CACNB2: variants seen among roughly 807,000 people sequenced by gnomAD.
CACNB2 encodes the protein voltage-dependent L-type calcium channel subunit beta-2.
A neutral mutation model predicts 73.3 loss-of-function variants in CACNB2; 42 were observed. That is an observed-to-expected ratio of 0.57 (90% CI 0.45 to 0.74). The LOEUF is 0.74. Among genes scored for constraint, CACNB2 ranks in the 30% least tolerant of loss-of-function variants. The pLI, the probability that CACNB2 is intolerant of heterozygous loss-of-function variation, is 0.00. For synonymous variants in CACNB2, 348 were observed against 310.3 expected (o/e 1.12, Z -1.28); for missense variants, 940 against 853.0 (o/e 1.10, Z -1.27).
intron 3 of CACNB2, among the ~76,000 whole-genome samples, chr10:18,465,532 A>G (rs1279921240): frequency 6.6e-6 from 1 of 152,024 alleles, no homozygotes; most frequent in Non-Finnish European, 1.5e-5. Flanking sequence ...TCTAGTCCCA[A>G]GCGTGTGTTC....
At chr10:18,430,499 G>C (rs1188201915) in intron 3 of CACNB2, among the ~76,000 whole-genome samples, 2 of 151,996 alleles carry the variant, frequency 1.3e-5, no homozygotes, top group Non-Finnish European at 2.9e-5. Flanking sequence ...GTGTGGTGGT[G>C]GAGGCCTATA....
chr10:18,397,720 CAAAAAAAA>C (rs10581390), intron 2 of CACNB2, among the ~76,000 whole-genome samples: 5 of 91,768 alleles, frequency 5.4e-5, no homozygotes, highest in African/African-American at 2.2e-4. Context: ...GACTCCGTCT[CAAAAAAAA>C]AAAAAAAAAA....
intron 2 of CACNB2, among the ~76,000 whole-genome samples, chr10:18,372,556 G>A (rs771010101): frequency 2.0e-5 from 3 of 151,974 alleles, no homozygotes; most frequent in Non-Finnish European, 2.9e-5. Flanking sequence ...ACAGATGTCC[G>A]CCACTATGCC....
chr10:18,498,871 C>G, intron 4 of CACNB2: 1 of 231,280 alleles, frequency 4.3e-6, no homozygotes, highest in Non-Finnish European at 8.6e-6. Flanking sequence ...TGACTCTTCT[C>G]TCTGCTGACA....
rs556427263 is a variant in CACNB2, at chr10:18,213,801, G to A, written c.213+62826G>A. ...GAGCCATCTCTGGAGTCAGGACAGA[G>A]TATCTGTGGCCAAGAATTAGCAGGA... is the stretch of plus-strand genomic sequence containing the variant. On this transcript the variant is annotated intron_variant, in intron 2 of 13. Coordinates refer to ENST00000324631, the MANE Select transcript of CACNB2 (RefSeq NM_201596.3). 1.8e-4 allele frequency among the ~76,000 whole-genome samples: 27 copies of A among 152,352 alleles called. No homozygotes were observed. The East Asian group carries it at 4.8e-3, about 27-fold the overall frequency.
intron 3 of CACNB2, among the ~76,000 whole-genome samples, chr10:18,411,367 C>T (rs1243321153): frequency 6.6e-6 from 1 of 152,180 alleles, no homozygotes; most frequent in Non-Finnish European, 1.5e-5. Context: ...TTGGTACTGT[C>T]GTTCTTCCAC....
intron 2 of CACNB2, among the ~76,000 whole-genome samples, chr10:18,306,090 G>T (rs957787524): frequency 6.6e-6 from 1 of 152,176 alleles, no homozygotes; most frequent in Non-Finnish European, 1.5e-5. Context: ...GACAGCCAGG[G>T]GGCCAAAACA....
chr10:18,483,107 A>G (rs1001056383), intron 3 of CACNB2, among the ~76,000 whole-genome samples: 1 of 152,118 alleles, frequency 6.6e-6, no homozygotes, highest in Admixed American at 6.6e-5. Flanking sequence ...GTTTCTAGAG[A>G]GTGAGTGATC....
At chr10:18,405,496 A>G (rs1589257115) in intron 3 of CACNB2, among the ~76,000 whole-genome samples, 1 of 152,124 alleles carries the variant, frequency 6.6e-6, no homozygotes, top group African/African-American at 2.4e-5. Flanking sequence ...TTCATTTCAC[A>G]TATGTATGTA....
chr10:18,179,571 A>T (rs1356328744), intron 2 of CACNB2, among the ~76,000 whole-genome samples: 3 of 151,322 alleles, frequency 2.0e-5, no homozygotes, highest in Non-Finnish European at 4.4e-5. Context: ...ATTTTTTAGG[A>T]TCTTCGGGTA....
intron 2 of CACNB2, among the ~76,000 whole-genome samples, chr10:18,251,088 G>A (rs2037069349): frequency 6.6e-6 from 1 of 152,192 alleles, no homozygotes; most frequent in Admixed American, 6.5e-5. Context: ...TCATTGATGA[G>A]AAACAACACT....
chr10:18,322,001 A>T (rs1025562986), intron 2 of CACNB2, among the ~76,000 whole-genome samples: 3 of 152,068 alleles, frequency 2.0e-5, no homozygotes, highest in African/African-American at 7.2e-5. Flanking sequence ...AAAAATTATT[A>T]AAAAATTAGC....
At chr10:18,499,614 AAAG>A (rs1439729113) in intron 4 of CACNB2, among the ~76,000 whole-genome samples, 1 of 52,092 alleles carries the variant, frequency 1.9e-5, no homozygotes, top group Non-Finnish European at 4.8e-5. Flanking sequence ...ATTCTGTCTC[AAAG>A]AAAAAAAAAA....
chr10:18,413,784 C>T (rs905406684), intron 3 of CACNB2, among the ~76,000 whole-genome samples: 1 of 152,234 alleles, frequency 6.6e-6, no homozygotes, highest in African/African-American at 2.4e-5. Flanking sequence ...ACACTAACCT[C>T]TGTTTGACAG....
chr10:18,213,331 T>C (rs577351693), intron 2 of CACNB2, among the ~76,000 whole-genome samples: 1 of 152,210 alleles, frequency 6.6e-6, no homozygotes, highest in Admixed American at 6.5e-5. Context: ...TGATTTCTCA[T>C]GCCTTTGATT....
Position 18,368,925 on chromosome 10 carries a change from C to T in CACNB2, c.214-32999C>T, listed in dbSNP as rs564652685. Among the ~76,000 whole-genome samples the T allele has an allele frequency of 7.2e-5, 11 of 152,168 alleles. No homozygotes were observed. The East Asian group carries it at 1.3e-3, about 19-fold the overall frequency. ...AAAAAAGAGAGAGAACCAGTCTGCA[C>T]GTGACAACAAGAACTTAAAGGATCT... On this transcript the variant is annotated intron_variant, in intron 2 of 13. Transcript: ENST00000324631.
intron 2 of CACNB2, chr10:18,238,655 TG>T (rs2036537087): frequency 6.6e-6 from 1 of 152,198 alleles, no homozygotes; most frequent in African/African-American, 2.4e-5. Context: ...CCAAGGAGTA[TG>T]GGATTGTAGT....
intron 2 of CACNB2, among the ~76,000 whole-genome samples, chr10:18,390,801 G>A (rs749842399): frequency 5.9e-5 from 9 of 152,056 alleles, no homozygotes; most frequent in East Asian, 1.9e-4. Flanking sequence ...CAATATATTC[G>A]CAACCATCTG....
chr10:18,481,079 G>A (rs1589484678), intron 3 of CACNB2, among the ~76,000 whole-genome samples: 1 of 150,758 alleles, frequency 6.6e-6, no homozygotes, highest in East Asian at 2.0e-4. Context: ...CACAGGTGGT[G>A]TGCTGTGAGG....
Sources: gnomAD v4.1 joint callset for allele counts (sites outside exome capture counted in the v4.1 genomes callset) on GRCh38, gnomAD v4.1.1 for gene constraint, MANE v1.5 for transcripts, NCBI Gene and HGNC (gene_info 2026-07-23, HGNC 2026-07-21) for gene names.